Variants in GPC5 observed in about 807,000 individuals in gnomAD.
GPC5 encodes the protein glypican-5.
GPC5 carries 47 observed loss-of-function variants against 53.9 expected under a neutral mutation model. The observed-to-expected ratio is 0.87, with a 90% CI of 0.69 to 1.11. The LOEUF (loss-of-function observed/expected upper bound fraction) is 1.11. GPC5 is among the 50% of genes most tolerant of loss of function. The probability of loss-of-function intolerance (pLI) is 0.00; values close to 1 mark genes in which losing one functional copy is unlikely to be tolerated. For missense variants in GPC5, 748 were observed against 713.1 expected (o/e 1.05, Z -0.56); for synonymous variants, 286 against 263.3 (o/e 1.09, Z -0.84).
At position 92,489,914 on chromosome 13, in the gene GPC5, G is replaced by A. The variant is rs145566460; in HGVS notation, c.1561+344925G>A. On this transcript the variant is annotated intron_variant, in intron 7 of 7. Transcript: ENST00000377067. ...TCAGCTTCTAAAAGGATAAAATATAGGGCAAGTTTCTTGGCAGGATTTTAA... is the reference window on the plus strand; with the variant it reads ...TCAGCTTCTAAAAGGATAAAATATAAGGCAAGTTTCTTGGCAGGATTTTAA... Among the ~76,000 whole-genome samples, 44 of 151,244 alleles carry A rather than the reference G, an allele frequency of 2.9e-4. No homozygotes were observed. In the East Asian group the frequency reaches 6.0e-3, roughly 21 times the overall value.
At chr13:92,858,068 G>A (rs1879062325) in intron 7 of GPC5, among the ~76,000 whole-genome samples, 1 of 152,128 alleles carries the variant, frequency 6.6e-6, no homozygotes, top group Admixed American at 6.5e-5. Context: ...AACCAACTTA[G>A]GTGCCCATCA....
chr13:92,853,104 A>G (rs1878870054), intron 7 of GPC5, among the ~76,000 whole-genome samples: 2 of 152,180 alleles, frequency 1.3e-5, no homozygotes, highest in Admixed American at 1.3e-4. Flanking sequence ...AGTGTATAAC[A>G]TGAAAAATGG....
At chr13:91,669,770 C>T (rs894468742) in intron 2 of GPC5, among the ~76,000 whole-genome samples, 4 of 152,158 alleles carry the variant, frequency 2.6e-5, no homozygotes, top group Admixed American at 6.5e-5. Context: ...TAAAATTTCC[C>T]TTTAAGACCA....
intron 2 of GPC5, among the ~76,000 whole-genome samples, chr13:91,547,991 A>G (rs2030395107): frequency 6.6e-6 from 1 of 152,178 alleles, no homozygotes; most frequent in Non-Finnish European, 1.5e-5. Context: ...ATATCTCTAA[A>G]AAACCTACAG....
At chr13:91,824,951 T>C (rs1003938340) in intron 5 of GPC5, among the ~76,000 whole-genome samples, 1 of 152,130 alleles carries the variant, frequency 6.6e-6, no homozygotes, top group Admixed American at 6.6e-5. Flanking sequence ...GTTTTGTAGA[T>C]TTGGTCATTC....
intron 7 of GPC5, among the ~76,000 whole-genome samples, chr13:92,676,028 G>A (rs1476070886): frequency 6.6e-6 from 1 of 152,020 alleles, no homozygotes; most frequent in Non-Finnish European, 1.5e-5. Context: ...TTATTCAATG[G>A]TTTATATTTT....
intron 7 of GPC5, among the ~76,000 whole-genome samples, chr13:92,761,732 T>G (rs1875183706): frequency 6.6e-6 from 1 of 152,208 alleles, no homozygotes; most frequent in African/African-American, 2.4e-5. Context: ...TATTGATAGA[T>G]AAGGGCTTAC....
rs545005602 is a variant in GPC5 at position 92,537,186 on chromosome 13, C to A, written c.1562-329096C>A. On this transcript the variant is annotated intron_variant, in intron 7 of 7. Transcript: ENST00000377067. ...AATGTAAATATCTGAATGCATATTT[C>A]AAAGTTAAAAATTAAAGCATTTTTC... Among the ~76,000 whole-genome samples, 7 of 152,100 alleles carry A rather than the reference C, an allele frequency of 4.6e-5. No individual in the cohort carries two copies. In the South Asian group the frequency reaches 1.2e-3, roughly 27 times the overall value.
At chr13:91,993,746 A>G (rs1315892393) in intron 6 of GPC5, among the ~76,000 whole-genome samples, 1 of 151,968 alleles carries the variant, frequency 6.6e-6, no homozygotes, top group Non-Finnish European at 1.5e-5. Context: ...TTGAATCTCA[A>G]AATATCTCAT....
intron 6 of GPC5, among the ~76,000 whole-genome samples, chr13:91,974,128 C>A (rs148582841): frequency 6.6e-6 from 1 of 152,052 alleles, no homozygotes; most frequent in South Asian, 2.1e-4. Flanking sequence ...GTGGTGGGCT[C>A]AGAGCTATCT....
chr13:92,482,831 C>A (rs1322072619), intron 7 of GPC5, among the ~76,000 whole-genome samples: 1 of 152,046 alleles, frequency 6.6e-6, no homozygotes, highest in Non-Finnish European at 1.5e-5. Context: ...ATAGTTATGC[C>A]ATGCTTAATG....
At position 91,819,151 on chromosome 13, in the gene GPC5, CTTTTTTTTTT is replaced by C. The variant is rs386380203; in HGVS notation, c.1280+62748_1280+62757del. ...TTCTTTTTATTAAAAAAAATATGCG[CTTTTTTTTTT>C]TTTTTTTTTTTTTTTTGAGATGGAG... On this transcript the variant is annotated intron_variant, in intron 5 of 7. Transcript: ENST00000377067. Among the ~76,000 whole-genome samples, 7 of 58,046 alleles carry C rather than the reference CTTTTTTTTTT, an allele frequency of 1.2e-4. No homozygotes were observed. In the Admixed American group the frequency reaches 2.2e-3, roughly 18 times the overall value. 38.1% of individuals were successfully genotyped at this position (58,046 alleles called of 152,430 possible). A position where few individuals can be genotyped will look rare whatever the true frequency, so the allele number is the denominator to read the frequency against.
intron 7 of GPC5, among the ~76,000 whole-genome samples, chr13:92,467,110 G>A (rs1878723854): frequency 1.3e-5 from 2 of 152,130 alleles, no homozygotes; most frequent in Admixed American, 1.3e-4. Flanking sequence ...GATCGGATAT[G>A]TGAGCAAGCC....
At chr13:92,188,003 T>C (rs1296309989) in intron 7 of GPC5, among the ~76,000 whole-genome samples, 2 of 152,216 alleles carry the variant, frequency 1.3e-5, no homozygotes, top group East Asian at 3.8e-4. Context: ...ACTAATTTCA[T>C]TCTGAAACCC....
chr13:91,950,557 T>C (rs1475140408), intron 6 of GPC5, among the ~76,000 whole-genome samples: 3 of 152,148 alleles, frequency 2.0e-5, no homozygotes, highest in Non-Finnish European at 4.4e-5. Context: ...CTTGGACATA[T>C]CCCTAATATT....
At chr13:91,635,822 C>G (rs2034271582) in intron 2 of GPC5, among the ~76,000 whole-genome samples, 1 of 152,068 alleles carries the variant, frequency 6.6e-6, no homozygotes, top group African/African-American at 2.4e-5. Context: ...ATATTTTTCA[C>G]TCCCTTGGGA....
At chr13:92,661,656 A>G (rs1411613662) in intron 7 of GPC5, among the ~76,000 whole-genome samples, 1 of 152,214 alleles carries the variant, frequency 6.6e-6, no homozygotes, top group Non-Finnish European at 1.5e-5. Context: ...CTATTTTGAT[A>G]CTGTTGCTAA....
chr13:92,026,883 A>G (rs1472095069), intron 6 of GPC5, among the ~76,000 whole-genome samples: 2 of 152,160 alleles, frequency 1.3e-5, no homozygotes, highest in Non-Finnish European at 2.9e-5. Flanking sequence ...AAAATTTCAG[A>G]TGGCTAGGTG....
chr13:91,668,325 A>G (rs775531590), intron 2 of GPC5, among the ~76,000 whole-genome samples: 1 of 152,230 alleles, frequency 6.6e-6, no homozygotes, highest in Non-Finnish European at 1.5e-5. Context: ...TCTGTTTCAC[A>G]CAAAAGCTAC....
Sources: allele counts gnomAD v4.1 joint callset (sites outside exome capture counted in the v4.1 genomes callset), GRCh38; gene constraint gnomAD v4.1.1; transcripts MANE v1.5; gene names NCBI Gene and HGNC (gene_info 2026-07-23, HGNC 2026-07-21).